Variants in RARB observed in about 807,000 individuals in gnomAD.
RARB encodes the protein retinoic acid receptor beta, also known as HBV-activated protein.
A neutral mutation model predicts 51.9 loss-of-function variants in RARB; 17 were observed. That is an observed-to-expected ratio of 0.33 (90% CI 0.22 to 0.49). RARB has a LOEUF of 0.49. Among genes scored for constraint, RARB ranks in the 20% least tolerant of loss-of-function variants. The pLI is 0.99. For synonymous variants in RARB, 215 were observed against 195.4 expected, an observed-to-expected ratio of 1.10 and a Z score of -0.84; for missense variants, 369 against 550.8, an observed-to-expected ratio of 0.67 and a Z score of 3.30.
At chr3:25,315,552 G>C (rs1325219146) in intron 5 of RARB, among the ~76,000 whole-genome samples, 1 of 152,084 alleles carries the variant, frequency 6.6e-6, no homozygotes, top group Non-Finnish European at 1.5e-5. Context: ...AGATGGAAGA[G>C]CTCCTGGGTT....
chr3:25,003,695 G>A (rs2125276261), intron 2 of RARB, among the ~76,000 whole-genome samples: 1 of 152,256 alleles, frequency 6.6e-6, no homozygotes, highest in South Asian at 2.1e-4. Context: ...ATCTGTGCAA[G>A]ATTGAGTATT....
At chr3:25,141,075 G>T in intron 4 of RARB, among the ~76,000 whole-genome samples, 1 of 151,884 alleles carries the variant, frequency 6.6e-6, no homozygotes. Context: ...TATTGCAGTG[G>T]TCTGGAACTA....
intron 5 of RARB, among the ~76,000 whole-genome samples, chr3:25,308,072 C>T (rs190183978): frequency 2.6e-5 from 4 of 152,158 alleles, no homozygotes; most frequent in Admixed American, 6.5e-5. Flanking sequence ...ATTATGGTGC[C>T]CATGAGTAGG....
chr3:25,172,646 T>C (rs1700667280), intron 4 of RARB, among the ~76,000 whole-genome samples: 1 of 152,184 alleles, frequency 6.6e-6, no homozygotes, highest in Non-Finnish European at 1.5e-5. Flanking sequence ...TAACATTGTT[T>C]TCCTGGGATT....
chr3:25,003,363 A>G (rs1697207215), intron 2 of RARB, among the ~76,000 whole-genome samples: 1 of 152,182 alleles, frequency 6.6e-6, no homozygotes, highest in South Asian at 2.1e-4. Flanking sequence ...AATGCAAGTT[A>G]TTAATTTGCA....
rs148774111 is a variant in RARB, at chr3:25,442,116, T to TTTTATTTATTTATTTATTTA, written c.157+13244_157+13263dup. On this transcript the variant is annotated intron_variant, in intron 1 of 7. Coordinates refer to ENST00000330688, the MANE Select transcript of RARB (RefSeq NM_000965.5). ...AAGTGACTTTTTAATTTTATTTTAT[T>TTTTATTTATTTATTTATTTA]TTTATTTATTTATTTATTTATTTAT... 2.6e-3 allele frequency among the ~76,000 whole-genome samples: 391 copies of TTTTATTTATTTATTTATTTA among 147,824 alleles called. 5 individuals carry two copies. Among genetic ancestry groups the TTTTATTTATTTATTTATTTA allele is most frequent in the South Asian group, 0.015 (70 of 4,676 alleles).
At chr3:25,394,111 A>T (rs1707047843) in intron 5 of RARB, among the ~76,000 whole-genome samples, 1 of 152,006 alleles carries the variant, frequency 6.6e-6, no homozygotes, top group Non-Finnish European at 1.5e-5. Flanking sequence ...ACTATTATTC[A>T]GTTCAAATAA....
At chr3:24,881,623 G>A (rs1703168394) in intron 2 of RARB, among the ~76,000 whole-genome samples, 1 of 152,122 alleles carries the variant, frequency 6.6e-6, no homozygotes, top group South Asian at 2.1e-4. Context: ...GAATTATAGT[G>A]GCATTGATCT....
chr3:25,404,464 A>C (rs940301045), intron 5 of RARB, among the ~76,000 whole-genome samples: 6 of 152,184 alleles, frequency 3.9e-5, no homozygotes, highest in Non-Finnish European at 1.5e-5. Flanking sequence ...CTGATGGCTA[A>C]TTTAATATTC....
chr3:25,133,393 C>T (rs953129300), intron 4 of RARB, among the ~76,000 whole-genome samples: 4 of 151,922 alleles, frequency 2.6e-5, no homozygotes, highest in African/African-American at 9.7e-5. Flanking sequence ...CTATGATATC[C>T]ACTCTGCAAG....
intron 2 of RARB, among the ~76,000 whole-genome samples, chr3:24,878,470 G>A (rs1703092760): frequency 6.6e-6 from 1 of 152,012 alleles, no homozygotes; most frequent in Admixed American, 6.6e-5. Context: ...GGAAGCAAAA[G>A]AGCTGACTGG....
At chr3:25,406,873 C>G (rs1205727691) in intron 5 of RARB, among the ~76,000 whole-genome samples, 2 of 152,292 alleles carry the variant, frequency 1.3e-5, no homozygotes, top group Non-Finnish European at 2.9e-5. Context: ...AAATTGAGCT[C>G]ATCATTCATA....
intron 3 of RARB, among the ~76,000 whole-genome samples, chr3:25,510,547 AC>A (rs1697838791): frequency 6.6e-6 from 1 of 151,888 alleles, no homozygotes; most frequent in Non-Finnish European, 1.5e-5. Context: ...AATTACATGA[AC>A]CCAGGAGGCA....
intron 2 of RARB, among the ~76,000 whole-genome samples, chr3:24,952,952 C>T (rs942314771): frequency 4.0e-5 from 6 of 151,642 alleles, no homozygotes; most frequent in Non-Finnish European, 7.4e-5. Flanking sequence ...TAACATAGTT[C>T]GCAAAGCATA....
chr3:25,246,066 G>T (rs1179979935), intron 5 of RARB, among the ~76,000 whole-genome samples: 1 of 151,606 alleles, frequency 6.6e-6, no homozygotes, highest in African/African-American at 2.4e-5. Context: ...ATTTCTTTAA[G>T]TTGATCTTCA....
chr3:25,210,631 G>T (rs1342047917), intron 5 of RARB, among the ~76,000 whole-genome samples: 1 of 144,710 alleles, frequency 6.9e-6, no homozygotes, highest in South Asian at 2.2e-4. Flanking sequence ...CACCTCCTGG[G>T]TTCAAGAAAT....
intron 3 of RARB, among the ~76,000 whole-genome samples, chr3:25,094,432 A>G (rs1699256491): frequency 6.6e-6 from 1 of 152,118 alleles, no homozygotes; most frequent in South Asian, 2.1e-4. Context: ...AAAAGAGGAC[A>G]TTGACCAGGA....
upstream of RARB, among the ~76,000 whole-genome samples, chr3:25,425,368 A>G (rs1205965776): frequency 1.3e-5 from 2 of 152,200 alleles, no homozygotes; most frequent in Admixed American, 6.5e-5. Flanking sequence ...CAAGAAGTGT[A>G]AGCATTTACT....
At chr3:25,290,898 A>T (rs1474706916) in intron 5 of RARB, among the ~76,000 whole-genome samples, 1 of 152,172 alleles carries the variant, frequency 6.6e-6, no homozygotes, top group African/African-American at 2.4e-5. Context: ...TTTCCTTGTG[A>T]ATTATAAGTG....
Sources: gnomAD v4.1 joint callset for allele counts (sites outside exome capture counted in the v4.1 genomes callset) on GRCh38, gnomAD v4.1.1 for gene constraint, MANE v1.5 for transcripts, NCBI Gene and HGNC (gene_info 2026-07-23, HGNC 2026-07-21) for gene names.